FBXO25: variants seen among roughly 807,000 people sequenced by gnomAD.
The protein encoded by FBXO25 is F-box protein 25, also known as F-box only protein 25.
A neutral mutation model predicts 51.9 loss-of-function variants in FBXO25; 45 were observed. The observed-to-expected ratio is 0.87, with a 90% CI of 0.68 to 1.11. FBXO25 has a LOEUF of 1.11. Ranked by LOEUF, FBXO25 falls within the 50% of genes most tolerant of loss-of-function variation. The pLI is 0.00. For missense variants in FBXO25, 507 were observed against 428.5 expected (o/e 1.18, Z -1.62); for synonymous variants, 199 against 151.0 (o/e 1.32, Z -2.33).
intron 2 of FBXO25, among the ~76,000 whole-genome samples, chr8:421,550 A>G (rs1319922535): frequency 6.6e-6 from 1 of 152,232 alleles, no homozygotes; most frequent in African/African-American, 2.4e-5. Flanking sequence ...TGCTAGAGTT[A>G]TCCTGTGGTT....
At position 474,573 on chromosome 8, in the gene FBXO25, A is replaced by G; in HGVS notation, c.*5769A>G. The G allele has an allele frequency of 2.7e-6, 1 of 366,858 alleles. No individual in the cohort carries two copies. The highest frequency in any genetic ancestry group is 5.3e-6 in the Non-Finnish European group (1 of 190,296). 22.7% of individuals were successfully genotyped at this position (366,858 alleles called of 1,614,324 possible). ...ACCTGTTTTTAATAATTGCCATCCT[A>G]ATGAGTGTGAAGTGGTATCCTGCTG... On this transcript the variant is annotated 3_prime_UTR_variant, in exon 10 of 10. Transcript: ENST00000350302.
intron 5 of FBXO25, among the ~76,000 whole-genome samples, chr8:444,578 C>T (rs1798621393): frequency 6.6e-6 from 1 of 152,078 alleles, no homozygotes; most frequent in Admixed American, 6.5e-5. Context: ...TACAGATTCT[C>T]TATTTGAAGG....
At chr8:409,191 T>A (rs549258965) in intron 1 of FBXO25, among the ~76,000 whole-genome samples, 1 of 152,314 alleles carries the variant, frequency 6.6e-6, no homozygotes, top group South Asian at 2.1e-4. Flanking sequence ...TTGGTGGTGT[T>A]GTTTTTAATC....
chr8:476,903 G>C lies in FBXO25; in HGVS notation c.*8099G>C, dbSNP rs1439536665. ...TCAGATGTAAATTTAGGGTTGACTT[G>C]AGATCTTAATTTGTTTAATAGGTGT... On this transcript the variant is annotated 3_prime_UTR_variant, in exon 10 of 10. Coordinates refer to ENST00000350302, the MANE Select transcript of FBXO25 (RefSeq NM_183420.2). The C allele has an allele frequency of 6.6e-6, 1 of 151,996 alleles. No homozygotes were observed. The highest frequency in any genetic ancestry group is 1.5e-5 in the Non-Finnish European group (1 of 67,996). 9.4% of individuals were successfully genotyped at this position (151,996 alleles called of 1,614,324 possible). A position where few individuals can be genotyped will look rare whatever the true frequency, so the allele number is the denominator to read the frequency against.
At chr8:433,306 C>A (rs986140365) in intron 4 of FBXO25, among the ~76,000 whole-genome samples, 5 of 151,994 alleles carry the variant, frequency 3.3e-5, no homozygotes, top group East Asian at 1.9e-4. Flanking sequence ...GTGTGTGGTT[C>A]CTGCCTACCT....
rs201079759 is a variant in FBXO25 at position 468,760 on chromosome 8, A to G, written c.1033A>G (p.Thr345Ala). The G allele has an allele frequency of 3.8e-5, 61 of 1,613,944 alleles. No individual in the cohort carries two copies. In the East Asian group the frequency reaches 8.5e-4, roughly 22 times the overall value. Residue 345 changes from threonine to alanine, a missense_variant, in exon 10 of 10, where the codon ACG (threonine) becomes GCG (alanine). By Grantham distance (58) the Thr-to-Ala change is moderately conservative. Coordinates refer to ENST00000350302, the MANE Select transcript of FBXO25 (RefSeq NM_183420.2). ...GGCGGCCGACCCTGACAGCTGCTTC[A>G]CGCCTGTGTCTCCGCAGCACTTCAT... ...CTAADPDSCF[T>A]PVSPQHFIDL... is the part of the protein sequence containing the mutation.
intron 1 of FBXO25, among the ~76,000 whole-genome samples, chr8:410,080 G>A (rs184636125): frequency 1.3e-5 from 2 of 152,172 alleles, no homozygotes; most frequent in Admixed American, 1.3e-4. Flanking sequence ...CCATGCTTCA[G>A]GGCGAAGATC....
In FBXO25 at chr8:431,577, A is replaced by G. The variant is rs1205768042; in HGVS notation, c.238+133A>G. The G allele has an allele frequency of 1.1e-5, 6 of 523,258 alleles. No homozygotes were observed. The East Asian group carries it at 2.1e-4, about 19-fold the overall frequency. 32.4% of individuals were successfully genotyped at this position (523,258 alleles called of 1,614,324 possible). A position where few individuals can be genotyped will look rare whatever the true frequency, so the allele number is the denominator to read the frequency against. On this transcript the variant is annotated intron_variant, in intron 3 of 9. Coordinates refer to ENST00000350302, the MANE Select transcript of FBXO25 (RefSeq NM_183420.2). ...AACAGCCCAGTATCCAGCATTGCCT[A>G]CAGATTTAGTGATCAAACTTTTTGC...
chr8:467,976 C>T (rs1338225495), intron 9 of FBXO25: 2 of 1,385,354 alleles, frequency 1.4e-6, no homozygotes, highest in Non-Finnish European at 1.9e-6. Flanking sequence ...CTGAGGGAGG[C>T]TGCTAGATGT....
chr8:449,102 T>C (rs1203415263), intron 5 of FBXO25, among the ~76,000 whole-genome samples: 3 of 152,090 alleles, frequency 2.0e-5, no homozygotes, highest in Non-Finnish European at 2.9e-5. Flanking sequence ...GATTTCAGAT[T>C]GAATCAAAAA....
At chr8:467,673 C>G (rs373102655) in intron 9 of FBXO25, 396 of 1,602,204 alleles carry the variant, frequency 2.5e-4, no homozygotes, top group Non-Finnish European at 3.0e-4. Context: ...CTTTTTTTCC[C>G]TCCCTTCACT....
At chr8:464,714 G>A (rs934917250) in intron 9 of FBXO25, among the ~76,000 whole-genome samples, 9 of 152,184 alleles carry the variant, frequency 5.9e-5, no homozygotes, top group African/African-American at 1.9e-4. Context: ...ATCCGTGGTT[G>A]AGCAGAGAAT....
chr8:468,051 A>ATC (rs2116860904), intron 9 of FBXO25: 1 of 1,211,608 alleles, frequency 8.3e-7, no homozygotes, highest in African/African-American at 1.6e-5. Context: ...CCATGGAGAG[A>ATC]TCCAGCACTG....
At chr8:434,176 A>G (rs1396643323) in intron 4 of FBXO25, among the ~76,000 whole-genome samples, 2 of 152,150 alleles carry the variant, frequency 1.3e-5, no homozygotes, top group East Asian at 1.9e-4. Context: ...TCATGTCTCC[A>G]TACCCTCACC....
chr8:433,220 A>G (rs1198971554), intron 4 of FBXO25, among the ~76,000 whole-genome samples: 2 of 152,050 alleles, frequency 1.3e-5, no homozygotes, highest in Non-Finnish European at 2.9e-5. Context: ...GTGTGTATGT[A>G]TGATTGTGCA....
At chr8:460,732 G>A (rs753111662) in intron 8 of FBXO25, among the ~76,000 whole-genome samples, 4 of 152,196 alleles carry the variant, frequency 2.6e-5, no homozygotes, top group African/African-American at 7.2e-5. Context: ...GACAACAAAC[G>A]GTTGTTTTTA....
chr8:412,645 T>A (rs1351073763), intron 1 of FBXO25, among the ~76,000 whole-genome samples: 1 of 152,184 alleles, frequency 6.6e-6, no homozygotes, highest in Non-Finnish European at 1.5e-5. Flanking sequence ...TCTGGCCCAC[T>A]CTCTCTCATC....
intron 4 of FBXO25, among the ~76,000 whole-genome samples, chr8:435,202 A>G (rs1410067700): frequency 6.6e-6 from 1 of 152,162 alleles, no homozygotes; most frequent in Non-Finnish European, 1.5e-5. Context: ...TCAACTAGAT[A>G]TTTGTAACAC....
intron 2 of FBXO25, among the ~76,000 whole-genome samples, chr8:417,552 T>A (rs956325353): frequency 6.6e-6 from 1 of 152,200 alleles, no homozygotes; most frequent in East Asian, 1.9e-4. Flanking sequence ...CATTAACTGA[T>A]ATAACATCTA....
Sources: gnomAD v4.1 joint callset for allele counts (sites outside exome capture counted in the v4.1 genomes callset) on GRCh38, gnomAD v4.1.1 for gene constraint, MANE v1.5 for transcripts, NCBI Gene and HGNC (gene_info 2026-07-23, HGNC 2026-07-21) for gene names.